Variants in ZNF565 observed in about 807,000 individuals in gnomAD.
ZNF565 encodes zinc finger protein 565.
Under a neutral mutation model 39.4 loss-of-function variants are expected in ZNF565, and 27 were observed. The observed-to-expected ratio is 0.69, with a 90% CI of 0.51 to 0.95. The LOEUF is 0.95. ZNF565 is among the 40% of genes least tolerant of loss of function. The pLI, the probability that ZNF565 is intolerant of heterozygous loss-of-function variation, is 0.00. For synonymous variants in ZNF565, 185 were observed against 216.6 expected, an observed-to-expected ratio of 0.85 and a Z score of 1.28; for missense variants, 524 against 621.1, an observed-to-expected ratio of 0.84 and a Z score of 1.66.
chr19:36,242,183 G>C (rs376765004), intron 1 of ZNF565, among the ~76,000 whole-genome samples: 17 of 152,040 alleles, frequency 1.1e-4, no homozygotes, highest in African/African-American at 4.1e-4. Context: ...AGGCCGAGGC[G>C]GGCGGATCAC....
rs143733056 is a variant in ZNF565, at chr19:36,197,848, A to G, written c.10-2692T>C. On this transcript the variant is annotated intron_variant, in intron 2 of 4. Transcript: ENST00000304116. ...GATACCACTGCTGGGTATCTACCCA[A>G]AAGAAAGGAAATCAGTAGGCCAGGC... 3.9e-5 allele frequency among the ~76,000 whole-genome samples: 6 copies of G among 152,208 alleles called. No homozygotes were observed. In the East Asian group the frequency reaches 1.2e-3, roughly 29 times the overall value.
In ZNF565 at chr19:36,183,430, C is replaced by T. The variant is rs770928072; in HGVS notation, c.536G>A (p.Gly179Asp). The part of the protein sequence containing the change: ...CHECGKAFSR[G>D]SHLIQHQKIH... ...TTTCTGATGTTGAATAAGGTGTGAG[C>T]CACGGCTAAATGCTTTCCCACATTC... is the stretch of plus-strand genomic sequence containing the variant. The change falls in exon 5 of 5, where the codon GGC becomes GAC. Residue 179 changes from glycine to aspartate, a missense_variant. Transcript: ENST00000304116. The T allele has an allele frequency of 3.7e-6, 6 of 1,611,862 alleles. No homozygotes were observed. The Admixed American group carries it at 8.3e-5, about 22-fold the overall frequency.
chr19:36,193,725 A>G (rs1172267220), intron 4 of ZNF565, among the ~76,000 whole-genome samples: 1 of 152,094 alleles, frequency 6.6e-6, no homozygotes, highest in Non-Finnish European at 1.5e-5. Context: ...ACAGGCGTAG[A>G]GCCACTGCGC....
At chr19:36,215,159 A>C (rs1198969896), upstream of ZNF565, 1 of 152,210 alleles carries the variant, frequency 6.6e-6, no homozygotes, top group Admixed American at 6.6e-5. Flanking sequence ...TCCGCGGGTC[A>C]GTACGGCCCC....
intron 1 of ZNF565, among the ~76,000 whole-genome samples, chr19:36,227,597 C>A (rs577745406): frequency 6.6e-6 from 1 of 152,080 alleles, no homozygotes; most frequent in African/African-American, 2.4e-5. Flanking sequence ...CAGGTTGTTG[C>A]TTTTCTTTTT....
intron 1 of ZNF565, among the ~76,000 whole-genome samples, chr19:36,211,133 TTTCTAACAGTAAGA>T: frequency 6.6e-6 from 1 of 152,078 alleles, no homozygotes; most frequent in Non-Finnish European, 1.5e-5. Flanking sequence ...GAAAAATATC[TTTCTAACAGTAAGA>T]TTCTAATTAA....
upstream of ZNF565, chr19:36,218,117 T>A (rs1265919503): frequency 6.7e-6 from 1 of 148,812 alleles, no homozygotes; most frequent in Non-Finnish European, 1.5e-5. Context: ...TTTTTTAAAT[T>A]AAAGGAAGAC....
At chr19:36,206,213 A>G (rs1976147027) in intron 1 of ZNF565, among the ~76,000 whole-genome samples, 1 of 152,034 alleles carries the variant, frequency 6.6e-6, no homozygotes, top group Non-Finnish European at 1.5e-5. Context: ...TCCCCACTTC[A>G]GCCTCCCAAA....
upstream of ZNF565, among the ~76,000 whole-genome samples, chr19:36,216,618 A>G (rs1976618294): frequency 6.6e-6 from 1 of 151,584 alleles, no homozygotes; most frequent in Non-Finnish European, 1.5e-5. Context: ...AGATCTCGCC[A>G]CTGCACTCCA....
intron 1 of ZNF565, among the ~76,000 whole-genome samples, chr19:36,243,548 G>A (rs77039930): frequency 6.6e-6 from 1 of 152,178 alleles, no homozygotes; most frequent in Non-Finnish European, 1.5e-5. Context: ...CCATATGTTT[G>A]CTGGGGGATT....
intron 1 of ZNF565, among the ~76,000 whole-genome samples, chr19:36,207,114 C>T (rs759845449): frequency 1.2e-4 from 18 of 152,134 alleles, no homozygotes; most frequent in Middle Eastern, 6.8e-3. Context: ...ACATGCGAGA[C>T]GAAGAGGGTC....
intron 4 of ZNF565, among the ~76,000 whole-genome samples, chr19:36,187,647 T>C (rs62113090): frequency 0.2 from 27,382 of 140,094 alleles, 2,641 homozygotes; most frequent in African/African-American, 0.26. Context: ...TGAGCCATGG[T>C]GCCCGGCCGA....
intron 1 of ZNF565, among the ~76,000 whole-genome samples, chr19:36,213,591 G>T (rs1189451575): frequency 5.9e-5 from 9 of 152,014 alleles, no homozygotes; most frequent in Admixed American, 5.9e-4. Flanking sequence ...TTATCGTGTT[G>T]GCCAGGCTGG....
intron 1 of ZNF565, among the ~76,000 whole-genome samples, chr19:36,242,275 T>C (rs1415335084): frequency 6.6e-6 from 1 of 151,920 alleles, no homozygotes; most frequent in East Asian, 1.9e-4. Flanking sequence ...CCAGATGTGA[T>C]GGTGCATGCC....
At chr19:36,184,203 C>T (rs1975207790) in intron 4 of ZNF565, among the ~76,000 whole-genome samples, 1 of 150,828 alleles carries the variant, frequency 6.6e-6, no homozygotes, top group African/African-American at 2.4e-5. Context: ...GATGAAAGCA[C>T]ACCATGTGAA....
chr19:36,197,244 C>A (rs1458135721), intron 2 of ZNF565, among the ~76,000 whole-genome samples: 1 of 151,990 alleles, frequency 6.6e-6, no homozygotes, highest in Non-Finnish European at 1.5e-5. Flanking sequence ...TGCACTCCAG[C>A]CTGGGTGACA....
In ZNF565 at chr19:36,201,065, G is replaced by C. The variant is rs145231399; in HGVS notation, c.9+912C>G. Among the ~76,000 whole-genome samples, 300 of 152,244 alleles carry C rather than the reference G, an allele frequency of 2.0e-3. 2 individuals are homozygous for C. Among genetic ancestry groups the C allele is most frequent in the African/African-American group, 6.9e-3 (286 of 41,542 alleles). On this transcript the variant is annotated intron_variant, in intron 2 of 4. Coordinates refer to ENST00000304116, the MANE Select transcript of ZNF565 (RefSeq NM_152477.5). ...GCAGTGGCTCATGCCTGTAATCCCA[G>C]TACTAGGAGGCTAACCAATTGAGCC...
At chr19:36,238,467 T>C (rs1977727336) in intron 1 of ZNF565, 2 of 167,110 alleles carry the variant, frequency 1.2e-5, no homozygotes, top group South Asian at 2.1e-4. Flanking sequence ...CATCCACTTC[T>C]CTTTCAAAAG....
chr19:36,182,610 A>G lies in ZNF565; in HGVS notation c.1356T>C (p.Cys452=). The change falls in exon 5 of 5, where the codon TGT becomes TGC. Residue 452 remains cysteine (C), a synonymous_variant. Transcript: ENST00000304116. ...GTGAACTACGAATAAAGGCCATTCC[A>G]CACTCCCTGCATTCATAGGGTTTCT... ...TCEKPYECRE[C]GMAFIRSSQL... is the part of the protein sequence containing the mutation. 6.2e-7 allele frequency: 1 copy of G among 1,614,156 alleles called. No homozygotes were observed. Among genetic ancestry groups the G allele is most frequent in the East Asian group, 2.2e-5 (1 of 44,888 alleles).
Sources: gnomAD v4.1 joint callset for allele counts (sites outside exome capture counted in the v4.1 genomes callset) on GRCh38, gnomAD v4.1.1 for gene constraint, MANE v1.5 for transcripts, NCBI Gene and HGNC (gene_info 2026-07-23, HGNC 2026-07-21) for gene names.